UGT1A6: variants seen among roughly 807,000 people sequenced by gnomAD.
UGT1A6 encodes the protein UDP-glucuronosyltransferase 1A6.
Under a neutral mutation model 44.4 loss-of-function variants are expected in UGT1A6, and 32 were observed. The ratio of observed to expected loss-of-function variants is 0.72; its 90% confidence interval spans 0.54 to 0.97. The LOEUF is 0.97. Among genes scored for constraint, UGT1A6 ranks in the 50% least tolerant of loss-of-function variants. The probability of loss-of-function intolerance (pLI) is 0.00; values close to 1 mark genes in which losing one functional copy is unlikely to be tolerated. For missense variants in UGT1A6, 685 were observed against 661.9 expected (o/e 1.03, Z -0.38); for synonymous variants, 238 against 248.5 (o/e 0.96, Z 0.40).
In UGT1A6 at chr2:233,693,226, A is replaced by C; in HGVS notation, c.222A>C (p.Thr74=). 6.2e-7 allele frequency: 1 copy of C among 1,614,228 alleles called. No individual in the cohort carries two copies. Among genetic ancestry groups the C allele is most frequent in the Non-Finnish European group, 8.5e-7 (1 of 1,180,044 alleles). The change falls in exon 1 of 5, where the codon ACA becomes ACC. Residue 74 remains threonine, a synonymous_variant. Transcript: ENST00000305139. ...NLLLKESKYY[T]RKIYPVPYDQ... ...TTTTGAAAGAATCCAAATACTACAC[A>C]AGAAAAATCTATCCAGTGCCGTATG...
intron 1 of UGT1A6, among the ~76,000 whole-genome samples, chr2:233,717,241 CA>C (rs2076559700): frequency 6.6e-6 from 1 of 152,144 alleles, no homozygotes; most frequent in African/African-American, 2.4e-5. Context: ...AAGATGCAGA[CA>C]GTTTTAAGGG....
At chr2:233,708,951 A>G (rs186386520) in intron 1 of UGT1A6, among the ~76,000 whole-genome samples, 11 of 152,180 alleles carry the variant, frequency 7.2e-5, no homozygotes, top group Admixed American at 7.2e-4. Flanking sequence ...GAACCCATTT[A>G]TATGTTTCCA....
intron 1 of UGT1A6, among the ~76,000 whole-genome samples, chr2:233,701,132 A>C (rs1303969880): frequency 1.3e-5 from 2 of 152,144 alleles, no homozygotes; most frequent in African/African-American, 4.8e-5. Context: ...AGGGACATTT[A>C]GGTTGGTTCC....
intron 1 of UGT1A6, among the ~76,000 whole-genome samples, chr2:233,731,442 C>T (rs375687165): frequency 6.6e-6 from 1 of 152,134 alleles, no homozygotes; most frequent in Non-Finnish European, 1.5e-5. Flanking sequence ...CCCAGTCCCC[C>T]ACCCCACAAC....
chr2:233,697,318 G>A (rs2075384581), intron 1 of UGT1A6, among the ~76,000 whole-genome samples: 1 of 152,016 alleles, frequency 6.6e-6, no homozygotes. Context: ...GATTGTTTGT[G>A]TTTGGAAATG....
In UGT1A6 at chr2:233,755,021, G is replaced by A. The variant is rs1378604817; in HGVS notation, c.862-12013G>A. 6 of 1,305,166 alleles carry A rather than the reference G, an allele frequency of 4.6e-6. No individual in the cohort carries two copies. In the East Asian group the frequency reaches 2.8e-4, roughly 60 times the overall value. The allele number at this position is 1,305,166 out of a possible 1,614,324, so 80.8% of individuals were successfully genotyped here. A position where few individuals can be genotyped will look rare whatever the true frequency, so the allele number is the denominator to read the frequency against. Reference sequence around the variant, plus strand: ...TGAAGACCTACTCGAAGGGGTCCTTGAAGGGCCTGCCGCCTGCGCAGCCGC... The same window carrying A: ...TGAAGACCTACTCGAAGGGGTCCTTAAAGGGCCTGCCGCCTGCGCAGCCGC... On this transcript the variant is annotated intron_variant, in intron 1 of 4. Transcript: ENST00000305139.
chr2:233,738,480 A>T (rs981519178), intron 1 of UGT1A6, among the ~76,000 whole-genome samples: 1 of 152,194 alleles, frequency 6.6e-6, no homozygotes, highest in African/African-American at 2.4e-5. Flanking sequence ...CTTCCTGGAG[A>T]CTTGTTGAAC....
intron 1 of UGT1A6, chr2:233,719,233 T>C: frequency 1.2e-6 from 2 of 1,614,226 alleles, no homozygotes; most frequent in Non-Finnish European, 1.7e-6. Context: ...GAGGCCCTGA[T>C]CAGGCACCTG....
chr2:233,716,913 A>C (rs1022916140), intron 1 of UGT1A6, among the ~76,000 whole-genome samples: 1 of 152,088 alleles, frequency 6.6e-6, no homozygotes, highest in Non-Finnish European at 1.5e-5. Flanking sequence ...AGACCCTGGA[A>C]GCTGATGCCT....
intron 1 of UGT1A6, among the ~76,000 whole-genome samples, chr2:233,696,827 A>T (rs1388202495): frequency 6.6e-6 from 1 of 152,200 alleles, no homozygotes; most frequent in African/African-American, 2.4e-5. Context: ...GAGAGTGTGT[A>T]TCATAAAGGG....
intron 1 of UGT1A6, among the ~76,000 whole-genome samples, chr2:233,696,184 T>G (rs2075330442): frequency 6.6e-6 from 1 of 152,222 alleles, no homozygotes. Flanking sequence ...ATTGAAGAGC[T>G]ATCTGCACTC....
At chr2:233,767,811 GTTCT>G (rs753422454) in intron 2 of UGT1A6, 34 bp from the exon 3 acceptor site, 1 of 1,614,124 alleles carries the variant, frequency 6.2e-7, no homozygotes, top group South Asian at 1.1e-5. Flanking sequence ...ATCATATTAT[GTTCT>G]TTCTTTACGT....
chr2:233,718,971 C>T (rs1342997030), intron 1 of UGT1A6: 5 of 1,614,090 alleles, frequency 3.1e-6, no homozygotes, highest in Middle Eastern at 1.6e-4. Context: ...CTTGCGGGAG[C>T]TCCATGCCAG....
At chr2:233,748,129 T>A in intron 1 of UGT1A6, 2 of 1,610,122 alleles carry the variant, frequency 1.2e-6, no homozygotes, top group Admixed American at 1.7e-5. Context: ...AAACAGTTTT[T>A]AAAAATTGTA....
chr2:233,763,933 G>A (rs1374530707), intron 1 of UGT1A6, among the ~76,000 whole-genome samples: 1 of 152,232 alleles, frequency 6.6e-6, no homozygotes, highest in African/African-American at 2.4e-5. Context: ...ATGGCCAGGA[G>A]AGGAAAGCTT....
intron 1 of UGT1A6, 50 bp downstream of exon 1, chr2:233,693,915 C>A: frequency 6.2e-7 from 1 of 1,611,846 alleles, no homozygotes; most frequent in Non-Finnish European, 8.5e-7. Context: ...CAGGCTCTGT[C>A]CTCCCTCACT....
Position 233,755,090 on chromosome 2 carries a change from C to G in UGT1A6, c.862-11944C>G, listed in dbSNP as rs778198655. On this transcript the variant is annotated intron_variant, in intron 1 of 4. Transcript: ENST00000305139. ...CATAGCGGTCATAGATATCGCGTTT[C>G]TACGCGTCCGACAACACCTCGTAGG... 4 of 1,336,104 alleles carry G rather than the reference C, an allele frequency of 3.0e-6. No homozygotes were observed. The South Asian group carries it at 4.6e-5, about 15-fold the overall frequency. The allele number at this position is 1,336,104 out of a possible 1,614,324, so 82.8% of individuals were successfully genotyped here. A position where few individuals can be genotyped will look rare whatever the true frequency, so the allele number is the denominator to read the frequency against.
intron 1 of UGT1A6, among the ~76,000 whole-genome samples, chr2:233,748,506 T>C (rs868820669): frequency 6.6e-5 from 10 of 151,912 alleles, no homozygotes; most frequent in African/African-American, 2.4e-4. Context: ...TTTTTAGTGG[T>C]CCTGTCTTGC....
intron 1 of UGT1A6, among the ~76,000 whole-genome samples, chr2:233,696,293 A>G (rs2075336529): frequency 2.0e-5 from 3 of 152,250 alleles, no homozygotes. Flanking sequence ...GGACTGTAAT[A>G]TCGTGAAATA....
Sources: gnomAD v4.1 joint callset for allele counts (sites outside exome capture counted in the v4.1 genomes callset) on GRCh38, gnomAD v4.1.1 for gene constraint, MANE v1.5 for transcripts, NCBI Gene and HGNC (gene_info 2026-07-23, HGNC 2026-07-21) for gene names.